SUPT6H: variants seen among roughly 807,000 people sequenced by gnomAD.
The protein encoded by SUPT6H is SPT6 homolog, histone chaperone and transcription elongation factor, also known as transcription elongation factor SPT6.
A neutral mutation model predicts 222.3 loss-of-function variants in SUPT6H; 11 were observed. The ratio of observed to expected loss-of-function variants is 0.05; its 90% CI spans 0.03 to 0.08. The LOEUF (loss-of-function observed/expected upper bound fraction) is 0.08. Among genes scored for constraint, SUPT6H ranks in the 10% least tolerant of loss-of-function variants. The pLI, the probability that SUPT6H is intolerant of heterozygous loss-of-function variation, is 1.00. For missense variants in SUPT6H, 1,422 were observed against 2,216.0 expected, an observed-to-expected ratio of 0.64 and a Z score of 7.19; for synonymous variants, 762 against 801.2, an observed-to-expected ratio of 0.95 and a Z score of 0.83.
intron 1 of SUPT6H, among the ~76,000 whole-genome samples, chr17:28,666,024 T>C (rs2029989881): frequency 6.6e-6 from 1 of 152,194 alleles, no homozygotes; most frequent in Non-Finnish European, 1.5e-5. Context: ...TCTCCAACCC[T>C]TATGAACCAT....
Position 28,695,404 on chromosome 17 carries a change from G to A in SUPT6H, c.3827G>A (p.Ser1276Asn). 6.2e-7 allele frequency: 1 copy of A among 1,614,110 alleles called. No homozygotes were observed. The highest frequency in any genetic ancestry group is 8.5e-7 in the Non-Finnish European group (1 of 1,180,042). The change falls in exon 29 of 37, where the codon AGT (serine) becomes AAT (asparagine). Residue 1276 changes from serine to asparagine, a missense_variant. Ser to Asn is a conservative substitution (Grantham distance 46). This residue lies in a region of SUPT6H where 39 missense variants were observed against 124.2 expected (regional missense o/e 0.31). Coordinates refer to ENST00000314616, the MANE Select transcript of SUPT6H (RefSeq NM_003170.5). The stretch of plus-strand genomic sequence containing the variant: ...ATGAAGATTGACATTGAGAAGTTCA[G>A]TGCAGACCTGACCTGCCGCACCTCA... The part of the protein sequence containing the change: ...RIMKIDIEKF[S>N]ADLTCRTSDL...
chr17:28,674,472 C>T, intron 3 of SUPT6H, 31 bp downstream of exon 3: 3 of 1,614,102 alleles, frequency 1.9e-6, no homozygotes, highest in Non-Finnish European at 2.5e-6. Context: ...TCAAGTGAGG[C>T]TTGGGTGGAG....
intron 1 of SUPT6H, among the ~76,000 whole-genome samples, chr17:28,667,413 A>G (rs1160104149): frequency 3.6e-5 from 4 of 111,630 alleles, no homozygotes; most frequent in African/African-American, 1.5e-4. Context: ...GTGTATATAT[A>G]TATATATATA....
Position 28,697,237 on chromosome 17 carries a change from A to T in SUPT6H, c.4209+155A>T, listed in dbSNP as rs921471982. ...GGTGGTTTGCGGAATGAGTCATTTG[A>T]TATCAATTTTATTTTGTCCCCTCCT... On this transcript the variant is annotated intron_variant, in intron 30 of 36. Transcript: ENST00000314616. Among the ~76,000 whole-genome samples the T allele has an allele frequency of 7.2e-5, 11 of 152,156 alleles. 1 individual carries two copies. Among genetic ancestry groups the T allele is most frequent in the Non-Finnish European group, 4.4e-5 (3 of 68,030 alleles).
rs1160770873 is a variant in SUPT6H at position 28,688,300 on chromosome 17, G to A, written c.3134+82G>A. The A allele has an allele frequency of 2.7e-6, 4 of 1,481,498 alleles. No individual in the cohort carries two copies. In the Admixed American group the frequency reaches 6.8e-5, roughly 25 times the overall value. The allele number at this position is 1,481,498 out of a possible 1,614,324, so 91.8% of individuals were successfully genotyped here. A position where few individuals can be genotyped will look rare whatever the true frequency, so the allele number is the denominator to read the frequency against. On this transcript the variant is annotated intron_variant, in intron 24 of 36. Coordinates refer to ENST00000314616, the MANE Select transcript of SUPT6H (RefSeq NM_003170.5). The surrounding 1 kb of genome is among the most constrained non-coding windows in gnomAD (Gnocchi z 4.3). Reference sequence around the variant, plus strand: ...GGTTTCAGGGGTTAGGGCTATCAAAGGGCCACAAGCCATTTTAACTTAGGA... The same window carrying A: ...GGTTTCAGGGGTTAGGGCTATCAAAAGGCCACAAGCCATTTTAACTTAGGA...
In SUPT6H at chr17:28,690,905, C is replaced by A; in HGVS notation, c.3491-16C>A. 1 of 1,611,166 alleles carries A rather than the reference C, an allele frequency of 6.2e-7. No individual in the cohort carries two copies. The highest frequency in any genetic ancestry group is 8.5e-7 in the Non-Finnish European group (1 of 1,178,886). On this transcript the variant is annotated splice_polypyrimidine_tract_variant and intron_variant, in intron 26 of 36. Coordinates refer to ENST00000314616, the MANE Select transcript of SUPT6H (RefSeq NM_003170.5). Reference sequence around the variant, plus strand: ...ATTCTCTGAGCCTGCTCCCCATCCTCTTTTCCTTCTTGCAGGAAAGCTCAT... The same window carrying A: ...ATTCTCTGAGCCTGCTCCCCATCCTATTTTCCTTCTTGCAGGAAAGCTCAT...
intron 15 of SUPT6H, 69 bp from the exon 16 acceptor site, chr17:28,683,199 G>A: frequency 1.5e-5 from 23 of 1,581,888 alleles, no homozygotes; most frequent in Non-Finnish European, 2.0e-5. Context: ...AAAGCAGAAA[G>A]GCTGTCTTTT....
chr17:28,685,079 G>T, intron 19 of SUPT6H, 118 bp downstream of exon 19: 1 of 982,508 alleles, frequency 1.0e-6, no homozygotes, highest in Non-Finnish European at 1.5e-6. Context: ...GTCTGATCTG[G>T]TCACTGACTT....
rs1287795370 is a variant in SUPT6H, at chr17:28,695,531, G to A, written c.3954G>A (p.Arg1318=). The change falls in exon 29 of 37, where the codon CGG becomes CGA. Residue 1318 remains arginine (R), a synonymous_variant. Transcript: ENST00000314616. ...ACAAGCAGGAGGAGGACATGAAGCG[G>A]AAGCAGCAGCGGACCAGTGAGTGTG... The part of the protein sequence containing the change: ...ADHKQEEDMK[R]KQQRTTYIKR... 6.2e-7 allele frequency: 1 copy of A among 1,613,778 alleles called. No homozygotes were observed. Among genetic ancestry groups the A allele is most frequent in the African/African-American group, 1.3e-5 (1 of 74,924 alleles).
At position 28,687,185 on chromosome 17, in the gene SUPT6H, C is replaced by G. The variant is rs2151642221; in HGVS notation, c.2798C>G (p.Ser933Cys). The G allele has an allele frequency of 6.2e-6, 10 of 1,614,098 alleles. No individual in the cohort carries two copies. In the South Asian group the frequency reaches 1.1e-4, roughly 18 times the overall value. ...PLIEFAQVCSSDEDILCLKFH... is the reference protein window; with the variant it reads ...PLIEFAQVCSCDEDILCLKFH... ...ATTGAATTTGCCCAGGTGTGCAGTT[C>G]CGATGAAGACATCCTGTGTCTCAAG... is the stretch of plus-strand genomic sequence containing the variant. Residue 933 changes from serine (S) to cysteine (C), a missense_variant, in exon 22 of 37, where the codon TCC becomes TGC. Physicochemically the swap from Ser to Cys is moderately radical, Grantham distance 112. Transcript: ENST00000314616.
Position 28,676,201 on chromosome 17 carries a change from A to G in SUPT6H, c.668A>G (p.Tyr223Cys), listed in dbSNP as rs764585767. 1 of 1,610,430 alleles carries G rather than the reference A, an allele frequency of 6.2e-7. No homozygotes were observed. The highest frequency in any genetic ancestry group is 1.1e-5 in the South Asian group (1 of 90,762). The change falls in exon 7 of 37, where the codon TAT (tyrosine) becomes TGT (cysteine). Residue 223 changes from tyrosine (Y) to cysteine (C), a missense_variant. Physicochemically the swap from Tyr to Cys is radical, Grantham distance 194. This residue lies in a region of SUPT6H where 389 missense variants were observed against 544.6 expected (regional missense o/e 0.71). Transcript: ENST00000314616. ...GAAATCTTCGGTGTGGACTTTGACTATGATGAATTTGAGAAATACAATGAG... is the reference window on the plus strand; with the variant it reads ...GAAATCTTCGGTGTGGACTTTGACTGTGATGAATTTGAGAAATACAATGAG... Reference protein sequence around the residue: ...AQEIFGVDFDYDEFEKYNEYD... With the variant: ...AQEIFGVDFDCDEFEKYNEYD...
intron 27 of SUPT6H, among the ~76,000 whole-genome samples, chr17:28,692,165 A>G (rs1288286109): frequency 6.6e-6 from 1 of 151,314 alleles, no homozygotes; most frequent in Admixed American, 6.6e-5. Flanking sequence ...CTACTAAACA[A>G]TACAAAAAAT....
intron 7 of SUPT6H, among the ~76,000 whole-genome samples, chr17:28,677,140 A>T (rs2030796518): frequency 6.6e-6 from 1 of 151,784 alleles, no homozygotes; most frequent in African/African-American, 2.4e-5. Flanking sequence ...TGGGAGGCCA[A>T]GGTGGGTGGA....
intron 13 of SUPT6H, 127 bp from the exon 14 acceptor site, chr17:28,682,600 A>C (rs1279081829): frequency 1.7e-5 from 23 of 1,366,072 alleles, no homozygotes. Context: ...TAGCCTGGGC[A>C]ACAGAGCGAG....
intron 1 of SUPT6H, among the ~76,000 whole-genome samples, chr17:28,668,184 C>T (rs1362236067): frequency 1.3e-5 from 2 of 152,166 alleles, no homozygotes; most frequent in Non-Finnish European, 2.9e-5. Context: ...TCCCCACTGC[C>T]CTTCTAGACC....
intron 1 of SUPT6H, among the ~76,000 whole-genome samples, chr17:28,666,775 CG>C (rs2030049457): frequency 6.6e-6 from 1 of 152,000 alleles, no homozygotes; most frequent in Admixed American, 6.6e-5. Context: ...TGGTCTCGAG[CG>C]TCTGACCTGA....
At chr17:28,667,208 A>AC (rs1344290152) in intron 1 of SUPT6H, among the ~76,000 whole-genome samples, 2 of 69,294 alleles carry the variant, frequency 2.9e-5, no homozygotes, top group Admixed American at 3.1e-4. Context: ...TACTAAAAAT[A>AC]CAAAAAAAAA....
At position 28,676,373 on chromosome 17, in the gene SUPT6H, C is replaced by T. The variant is rs758872378; in HGVS notation, c.840C>T (p.Ser280=). The change falls in exon 7 of 37, where the codon AGC becomes AGT. Residue 280 remains serine (S), a synonymous_variant. Transcript: ENST00000314616. ...EMYEPSELES[S]HLTDQDNEIR... Reference sequence around the variant, plus strand: ...ATGAGCCCAGTGAGCTAGAAAGCAGCCACCTCACAGATCAGGACAATGAAA... The same window carrying T: ...ATGAGCCCAGTGAGCTAGAAAGCAGTCACCTCACAGATCAGGACAATGAAA... The T allele has an allele frequency of 3.7e-6, 6 of 1,613,706 alleles. No individual in the cohort carries two copies. In the South Asian group the frequency reaches 6.6e-5, roughly 18 times the overall value.
chr17:28,701,672 C>G lies in SUPT6H; in HGVS notation c.*47C>G. Reference sequence around the variant, plus strand: ...GGTTACCTCTGAGGCTGGGAAAGGCCTGGCTGCCCACTGCCTCCCTCCCTG... The same window carrying G: ...GGTTACCTCTGAGGCTGGGAAAGGCGTGGCTGCCCACTGCCTCCCTCCCTG... On this transcript the variant is annotated 3_prime_UTR_variant, in exon 37 of 37. Transcript: ENST00000314616. 3 of 1,548,628 alleles carry G rather than the reference C, an allele frequency of 1.9e-6. No homozygotes were observed. The highest frequency in any genetic ancestry group is 2.6e-6 in the Non-Finnish European group (3 of 1,142,636).
Sources: allele counts gnomAD v4.1 joint callset (sites outside exome capture counted in the v4.1 genomes callset), GRCh38; gene constraint gnomAD v4.1.1; regional missense constraint gnomAD v4.1.1; non-coding constraint Gnocchi (gnomAD v3.1); transcripts MANE v1.5; gene names NCBI Gene and HGNC (gene_info 2026-07-23, HGNC 2026-07-21).